The following SV2C variants were observed in gnomAD, a reference collection of about 807,000 sequenced individuals.
SV2C encodes the protein solute carrier family 22 member B3.
A neutral mutation model predicts 79.7 loss-of-function variants in SV2C; 49 were observed. The ratio of observed to expected loss-of-function variants is 0.61; its 90% CI spans 0.49 to 0.78. The LOEUF (loss-of-function observed/expected upper bound fraction) is 0.78. Ranked by LOEUF, SV2C falls within the 30% of genes least tolerant of loss-of-function variation. The probability of loss-of-function intolerance (pLI) is 0.00; values close to 1 mark genes in which losing one functional copy is unlikely to be tolerated. For synonymous variants in SV2C, 334 were observed against 333.2 expected, an observed-to-expected ratio of 1.00 and a Z score of -0.03; for missense variants, 833 against 912.9, an observed-to-expected ratio of 0.91 and a Z score of 1.13.
intron 1 of SV2C, among the ~76,000 whole-genome samples, chr5:76,099,353 C>T (rs1203818784): frequency 7.3e-6 from 1 of 136,568 alleles, no homozygotes; most frequent in Non-Finnish European, 1.5e-5. Context: ...CATATTAGTG[C>T]TTTCTTTTGC....
chr5:76,282,092 G>C (rs1476887025), intron 4 of SV2C, among the ~76,000 whole-genome samples: 1 of 152,190 alleles, frequency 6.6e-6, no homozygotes, highest in African/African-American at 2.4e-5. Context: ...AACTAATTGA[G>C]GTTCTGTGTG....
intron 2 of SV2C, among the ~76,000 whole-genome samples, chr5:76,193,128 TGACA>T (rs1200832682): frequency 6.6e-6 from 1 of 152,198 alleles, no homozygotes; most frequent in Non-Finnish European, 1.5e-5. Flanking sequence ...TAAGCCATCC[TGACA>T]GAGTAGGAAA....
intron 1 of SV2C, among the ~76,000 whole-genome samples, chr5:76,094,150 A>T (rs367609805): frequency 4.6e-5 from 7 of 152,348 alleles, no homozygotes; most frequent in African/African-American, 1.7e-4. Flanking sequence ...AGAAACTGTG[A>T]GTCTCCTGAG....
downstream of SV2C, among the ~76,000 whole-genome samples, chr5:76,336,304 G>C (rs954921387): frequency 1.3e-5 from 2 of 151,980 alleles, no homozygotes; most frequent in African/African-American, 4.8e-5. Flanking sequence ...GGGCGGCCGG[G>C]CAGAGACGCT....
At position 76,282,564 on chromosome 5, in the gene SV2C, C is replaced by T. The variant is rs78547152; in HGVS notation, c.914-2598C>T. On this transcript the variant is annotated intron_variant, in intron 4 of 12. Coordinates refer to ENST00000502798, the MANE Select transcript of SV2C (RefSeq NM_014979.4). ...TTTTCAATAACTAATGTGTAAGAGTCGATTGAAATAGAGATTTCTCTGAAA... is the reference window on the plus strand; with the variant it reads ...TTTTCAATAACTAATGTGTAAGAGTTGATTGAAATAGAGATTTCTCTGAAA... Among the ~76,000 whole-genome samples the T allele has an allele frequency of 6.2e-3, 942 of 152,310 alleles. 5 individuals carry two copies. The highest frequency in any genetic ancestry group is 7.7e-3 in the Non-Finnish European group (522 of 68,028).
At chr5:76,160,345 A>G (rs1171214425) in intron 2 of SV2C, among the ~76,000 whole-genome samples, 1 of 152,214 alleles carries the variant, frequency 6.6e-6, no homozygotes, top group Non-Finnish European at 1.5e-5. Context: ...ACCAAGCAAC[A>G]GTAATAAAGA....
At chr5:76,291,163 C>T in intron 6 of SV2C, 58 bp from the exon 7 acceptor site, 1 of 1,348,382 alleles carries the variant, frequency 7.4e-7, no homozygotes, top group African/African-American at 1.5e-5. Context: ...AATTATAACC[C>T]TACACTCAGC....
At chr5:76,258,105 G>T (rs1382575853) in intron 4 of SV2C, among the ~76,000 whole-genome samples, 4 of 148,036 alleles carry the variant, frequency 2.7e-5, no homozygotes, top group African/African-American at 9.9e-5. Flanking sequence ...TGTGAAGTGT[G>T]TGGGGGTGTG....
chr5:76,237,593 A>G (rs958698708), intron 4 of SV2C, among the ~76,000 whole-genome samples: 4 of 152,138 alleles, frequency 2.6e-5, no homozygotes, highest in Non-Finnish European at 5.9e-5. Flanking sequence ...GGCAATTTCT[A>G]TAGAAAAGTT....
chr5:75,913,629 G>T, the SV2C span, among the ~76,000 whole-genome samples: 2 of 152,194 alleles, frequency 1.3e-5, no homozygotes, highest in African/African-American at 2.4e-5. Flanking sequence ...TTGGGATAGG[G>T]ATGCTCCTAC....
rs893302060 is a variant in SV2C, at chr5:76,300,949, A to G, written c.1840+17A>G. ...CAATGCTAGGTATGTACTCAGTTTC[A>G]TGTCAAATAAAAGAGCTGCCCCTGC... On this transcript the variant is annotated intron_variant, in intron 11 of 12. Transcript: ENST00000502798. 6 of 1,612,922 alleles carry G rather than the reference A, an allele frequency of 3.7e-6. No homozygotes were observed. The highest frequency in any genetic ancestry group is 2.7e-5 in the African/African-American group (2 of 74,882).
chr5:76,280,355 A>G (rs1383836570), intron 4 of SV2C, among the ~76,000 whole-genome samples: 1 of 152,058 alleles, frequency 6.6e-6, no homozygotes, highest in Non-Finnish European at 1.5e-5. Context: ...TCAGCTGTTC[A>G]ATGGAAGAAT....
Position 76,298,807 on chromosome 5 carries a change from A to C in SV2C, c.1516A>C (p.Lys506Gln). The change falls in exon 10 of 13, where the codon AAG (lysine) becomes CAG (glutamine). Residue 506 changes from lysine to glutamine, a missense_variant. Coordinates refer to ENST00000502798, the MANE Select transcript of SV2C (RefSeq NM_014979.4). Reference protein sequence around the residue: ...EYDNGRFIGVKFKSVTFKDSV... With the variant: ...EYDNGRFIGVQFKSVTFKDSV... ...TGTGTTGGGCAGATTCATAGGGGTCAAGTTCAAATCTGTAACTTTCAAAGA... is the reference window on the plus strand; with the variant it reads ...TGTGTTGGGCAGATTCATAGGGGTCCAGTTCAAATCTGTAACTTTCAAAGA... 1 of 1,613,888 alleles carries C rather than the reference A, an allele frequency of 6.2e-7. No individual in the cohort carries two copies. Among genetic ancestry groups the C allele is most frequent in the African/African-American group, 1.3e-5 (1 of 75,046 alleles).
At position 76,104,921 on chromosome 5, in the gene SV2C, T is replaced by A. The variant is rs554001972; in HGVS notation, c.-102+21409T>A. ...GGCAGTTTCTTCCTATTTCAGCAGA[T>A]GATTCTCGTTTGCAGTTTTTTCCCA... On this transcript the variant is annotated intron_variant, in intron 1 of 12. Transcript: ENST00000502798. 5.9e-5 allele frequency among the ~76,000 whole-genome samples: 9 copies of A among 152,350 alleles called. No homozygotes were observed. The South Asian group carries it at 1.7e-3, about 28-fold the overall frequency.
At chr5:76,272,490 T>G (rs1052800446) in intron 4 of SV2C, among the ~76,000 whole-genome samples, 1 of 152,254 alleles carries the variant, frequency 6.6e-6, no homozygotes, top group Admixed American at 6.5e-5. Context: ...ACAGCTACTT[T>G]GAAAAGCAGA....
At chr5:76,007,784 T>G in the SV2C span, among the ~76,000 whole-genome samples, 1 of 152,200 alleles carries the variant, frequency 6.6e-6, no homozygotes, top group African/African-American at 2.4e-5. Flanking sequence ...TCTCTATGTT[T>G]GTCTCCAAAT....
chr5:76,342,914 G>C (rs765731889), intron 12 of SV2C, among the ~76,000 whole-genome samples: 23 of 150,034 alleles, frequency 1.5e-4, no homozygotes, highest in Admixed American at 2.7e-4. Flanking sequence ...ATAGAGATGG[G>C]GATCTTGCTA....
intron 2 of SV2C, among the ~76,000 whole-genome samples, chr5:76,140,607 G>A (rs986230702): frequency 2.0e-5 from 3 of 152,158 alleles, no homozygotes; most frequent in Non-Finnish European, 4.4e-5. Flanking sequence ...TTTTTAGAGT[G>A]TGTCTAACCC....
intron 1 of SV2C, among the ~76,000 whole-genome samples, chr5:76,120,853 C>A (rs888936424): frequency 3.8e-4 from 57 of 150,618 alleles, no homozygotes; most frequent in African/African-American, 1.4e-3. Context: ...TTTATAGCGG[C>A]ATGATTTATA....
Sources: allele counts gnomAD v4.1 joint callset (sites outside exome capture counted in the v4.1 genomes callset), GRCh38; gene constraint gnomAD v4.1.1; transcripts MANE v1.5; gene names NCBI Gene and HGNC (gene_info 2026-07-23, HGNC 2026-07-21).